The following CTNNA2 variants were observed in gnomAD, a reference collection of about 807,000 sequenced individuals.
CTNNA2 encodes the protein catenin alpha-2.
Under a neutral mutation model 101.0 loss-of-function variants are expected in CTNNA2, and 42 were observed. That is an observed-to-expected ratio of 0.42 (90% CI 0.32 to 0.54). CTNNA2 has a LOEUF of 0.54. CTNNA2 is among the 20% of genes least tolerant of loss of function. The probability of loss-of-function intolerance (pLI) is 0.14; values close to 1 mark genes in which losing one functional copy is unlikely to be tolerated. For missense variants in CTNNA2, 871 were observed against 1,223.1 expected, an observed-to-expected ratio of 0.71 and a Z score of 4.29; for synonymous variants, 450 against 456.4, an observed-to-expected ratio of 0.99 and a Z score of 0.18.
At chr2:79,734,928 C>T (rs1670763730) in intron 2 of CTNNA2, among the ~76,000 whole-genome samples, 1 of 152,132 alleles carries the variant, frequency 6.6e-6, no homozygotes, top group Non-Finnish European at 1.5e-5. Flanking sequence ...ACACAATGAG[C>T]ATCCTATGAC....
intron 7 of CTNNA2, among the ~76,000 whole-genome samples, chr2:80,025,782 A>G (rs1694890339): frequency 6.6e-6 from 1 of 152,230 alleles, no homozygotes; most frequent in African/African-American, 2.4e-5. Context: ...TATAGCTACC[A>G]GGAATCACAA....
chr2:79,247,045 G>T (rs899500163), intron 2 of CTNNA2, among the ~76,000 whole-genome samples: 4 of 152,176 alleles, frequency 2.6e-5, no homozygotes, highest in African/African-American at 4.8e-5. Context: ...TGCAGAAACC[G>T]GCAGGCGTGG....
chr2:80,444,653 G>T lies in CTNNA2; in HGVS notation c.1290+25052G>T, dbSNP rs1250810235. ...TGGGAGATAATAAGGTTTAGATGAG[G>T]TCATGAGGGTGGGGCACCTATGATG... On this transcript the variant is annotated intron_variant, in intron 9 of 18. Coordinates refer to ENST00000402739, the MANE Select transcript of CTNNA2 (RefSeq NM_001282597.3). Among the ~76,000 whole-genome samples the T allele has an allele frequency of 2.6e-5, 4 of 152,146 alleles. No homozygotes were observed. The East Asian group carries it at 7.7e-4, about 29-fold the overall frequency.
chr2:79,428,942 G>A (rs1330286440), intron 4 of CTNNA2, among the ~76,000 whole-genome samples: 1 of 152,084 alleles, frequency 6.6e-6, no homozygotes, highest in Non-Finnish European at 1.5e-5. Flanking sequence ...GATTGCAGAG[G>A]GCAGGATCAA....
At chr2:79,726,027 G>A (rs1000922515) in intron 2 of CTNNA2, among the ~76,000 whole-genome samples, 3 of 152,088 alleles carry the variant, frequency 2.0e-5, no homozygotes, top group African/African-American at 4.8e-5. Flanking sequence ...TAGGCACATC[G>A]GCCATATAAA....
At chr2:79,756,299 G>T (rs4852517) in intron 3 of CTNNA2, among the ~76,000 whole-genome samples, 2 of 152,072 alleles carry the variant, frequency 1.3e-5, no homozygotes, top group South Asian at 4.2e-4. Flanking sequence ...GTCATTTGAA[G>T]TATTATCCAT....
At chr2:80,538,594 T>G (rs1338183657) in intron 9 of CTNNA2, among the ~76,000 whole-genome samples, 1 of 152,224 alleles carries the variant, frequency 6.6e-6, no homozygotes, top group Non-Finnish European at 1.5e-5. Flanking sequence ...ATGTGTGTTT[T>G]GGTACCAGCA....
chr2:79,504,559 C>T (rs571290576), intron 4 of CTNNA2, among the ~76,000 whole-genome samples: 3 of 152,024 alleles, frequency 2.0e-5, no homozygotes, highest in South Asian at 4.1e-4. Flanking sequence ...CAAAGTGCTG[C>T]GATTACATCC....
chr2:79,267,222 A>C (rs1674997618), intron 2 of CTNNA2, among the ~76,000 whole-genome samples: 1 of 152,148 alleles, frequency 6.6e-6, no homozygotes, highest in African/African-American at 2.4e-5. Flanking sequence ...CTTCATTGAG[A>C]TAGATGCTAT....
intron 7 of CTNNA2, among the ~76,000 whole-genome samples, chr2:80,379,147 G>A (rs971329504): frequency 2.0e-5 from 3 of 151,966 alleles, no homozygotes; most frequent in African/African-American, 7.2e-5. Context: ...AGTGTAGACA[G>A]GTTTACAAGC....
intron 3 of CTNNA2, among the ~76,000 whole-genome samples, chr2:79,808,227 C>T (rs1676729235): frequency 6.6e-6 from 1 of 151,994 alleles, no homozygotes. Flanking sequence ...CAGCAGAGTT[C>T]AAAATGCAAA....
chr2:79,666,620 T>G (rs1471650257), intron 2 of CTNNA2, among the ~76,000 whole-genome samples: 1 of 152,210 alleles, frequency 6.6e-6, no homozygotes, highest in African/African-American at 2.4e-5. Flanking sequence ...GGATGGTGCT[T>G]GATAAGTGCT....
At chr2:80,550,099 A>G (rs566988823) in intron 11 of CTNNA2, among the ~76,000 whole-genome samples, 1 of 152,286 alleles carries the variant, frequency 6.6e-6, no homozygotes, top group Non-Finnish European at 1.5e-5. Context: ...GTTCTGTTCC[A>G]ACTACTGCAG....
intron 1 of CTNNA2, among the ~76,000 whole-genome samples, chr2:79,193,876 A>C (rs1308956485): frequency 6.7e-6 from 1 of 150,284 alleles, no homozygotes; most frequent in Non-Finnish European, 1.5e-5. Flanking sequence ...CCTACTTCAC[A>C]GGGTAGTTTT....
rs185119217 is a variant in CTNNA2 at position 80,251,990 on chromosome 2, C to T, written c.1057-141221C>T. Among the ~76,000 whole-genome samples the T allele has an allele frequency of 3.4e-3, 519 of 152,292 alleles. 3 individuals are homozygous for T. The highest frequency in any genetic ancestry group is 0.012 in the African/African-American group (492 of 41,568). ...AGTCAAAAGAAGTTGATTTAATCCA[C>T]ATTATTGCTTGCAAATTGTTAAATT... On this transcript the variant is annotated intron_variant, in intron 7 of 18. Transcript: ENST00000402739.
intron 9 of CTNNA2, among the ~76,000 whole-genome samples, chr2:80,522,257 A>G (rs1307410908): frequency 6.6e-6 from 1 of 152,180 alleles, no homozygotes; most frequent in African/African-American, 2.4e-5. Context: ...AGCTGTTCTC[A>G]AGGATCCTCA....
intron 3 of CTNNA2, among the ~76,000 whole-genome samples, chr2:79,359,803 A>G (rs931614699): frequency 6.6e-5 from 10 of 152,040 alleles, no homozygotes; most frequent in Middle Eastern, 3.4e-3. Context: ...TTTTTTCTGT[A>G]ATACTACTTA....
intron 4 of CTNNA2, among the ~76,000 whole-genome samples, chr2:79,422,837 C>T (rs1400675640): frequency 6.6e-6 from 1 of 152,102 alleles, no homozygotes; most frequent in Admixed American, 6.6e-5. Context: ...GATAAATCCG[C>T]AGAATTTAAC....
chr2:80,480,249 C>G (rs779797054), intron 9 of CTNNA2, among the ~76,000 whole-genome samples: 5 of 151,994 alleles, frequency 3.3e-5, no homozygotes, highest in Admixed American at 1.3e-4. Flanking sequence ...AGCTCTAACT[C>G]AATGCTTTTC....
Sources: allele counts gnomAD v4.1 joint callset (sites outside exome capture counted in the v4.1 genomes callset), GRCh38; gene constraint gnomAD v4.1.1; transcripts MANE v1.5; gene names NCBI Gene and HGNC (gene_info 2026-07-23, HGNC 2026-07-21).